Variants in PDLIM5 observed in about 807,000 individuals in gnomAD.
The protein encoded by PDLIM5 is PDZ and LIM domain 5.
PDLIM5 carries 34 observed loss-of-function variants against 64.2 expected under a neutral mutation model. The ratio of observed to expected loss-of-function variants is 0.53; its 90% CI spans 0.40 to 0.71. The LOEUF (loss-of-function observed/expected upper bound fraction) is 0.71. Among genes scored for constraint, PDLIM5 ranks in the 30% least tolerant of loss-of-function variants. The probability of loss-of-function intolerance (pLI) is 0.00; values close to 1 mark genes in which losing one functional copy is unlikely to be tolerated. For missense variants in PDLIM5, 683 were observed against 733.6 expected (o/e 0.93, Z 0.80); for synonymous variants, 253 against 269.1 (o/e 0.94, Z 0.59).
Position 94,668,156 on chromosome 4 carries a change from A to T in PDLIM5, c.*4089A>T, listed in dbSNP as rs2110518520. ...TCTAATTAGAAGTCACATGATAAATATAATCAGTATAGTAATAATACCATA... is the reference window on the plus strand; with the variant it reads ...TCTAATTAGAAGTCACATGATAAATTTAATCAGTATAGTAATAATACCATA... On this transcript the variant is annotated 3_prime_UTR_variant, in exon 13 of 13. Coordinates refer to ENST00000317968, the MANE Select transcript of PDLIM5 (RefSeq NM_006457.5). 1 of 152,318 alleles carries T rather than the reference A, an allele frequency of 6.6e-6. No homozygotes were observed. Among genetic ancestry groups the T allele is most frequent in the African/African-American group, 2.4e-5 (1 of 41,572 alleles). The allele number at this position is 152,318 out of a possible 1,614,324, so 9.4% of individuals were successfully genotyped here. A position where few individuals can be genotyped will look rare whatever the true frequency, so the allele number is the denominator to read the frequency against.
At chr4:94,524,611 A>T (rs1226584381) in intron 3 of PDLIM5, among the ~76,000 whole-genome samples, 2 of 151,222 alleles carry the variant, frequency 1.3e-5, no homozygotes, top group Non-Finnish European at 2.9e-5. Context: ...TTTTGAACTT[A>T]TTGCTTTCTA....
At chr4:94,513,990 T>C (rs570364779) in intron 2 of PDLIM5, among the ~76,000 whole-genome samples, 22 of 152,336 alleles carry the variant, frequency 1.4e-4, no homozygotes, top group African/African-American at 5.1e-4. Context: ...CATATGGTTT[T>C]TGTCCTTCAT....
intron 2 of PDLIM5, among the ~76,000 whole-genome samples, chr4:94,518,571 T>G (rs1372498664): frequency 1.3e-5 from 2 of 152,200 alleles, no homozygotes; most frequent in Non-Finnish European, 2.9e-5. Flanking sequence ...TTGAGAACAA[T>G]AAATTAATGA....
intron 8 of PDLIM5, among the ~76,000 whole-genome samples, chr4:94,632,973 AG>A (rs1277827287): frequency 4.8e-4 from 73 of 152,230 alleles, no homozygotes; most frequent in Non-Finnish European, 6.9e-4. Flanking sequence ...GTAAGTTATT[AG>A]TAATTTGTTA....
chr4:94,657,834 A>G (rs1399403843), intron 11 of PDLIM5, among the ~76,000 whole-genome samples: 4 of 151,872 alleles, frequency 2.6e-5, no homozygotes, highest in Non-Finnish European at 4.4e-5. Flanking sequence ...AGCCTCCCGA[A>G]TAGCTGGGAA....
chr4:94,617,957 T>TA (rs766807994), intron 7 of PDLIM5, 47 bp from the exon 8 acceptor site: 1 of 1,006,486 alleles, frequency 9.9e-7, no homozygotes, highest in Non-Finnish European at 1.4e-6. Context: ...ATTGCTGAGT[T>TA]ACGTTGCTAC....
At chr4:94,601,266 T>C (rs73834207) in intron 7 of PDLIM5, among the ~76,000 whole-genome samples, 1,742 of 152,246 alleles carry the variant, frequency 0.011, 40 homozygotes, top group African/African-American at 0.039. Context: ...TGTATCCTCA[T>C]ATGGTAGGAG....
chr4:94,609,590 CCTT>C (rs1412081715), intron 7 of PDLIM5, among the ~76,000 whole-genome samples: 1 of 152,100 alleles, frequency 6.6e-6, no homozygotes, highest in Non-Finnish European at 1.5e-5. Flanking sequence ...TACTTTCCCT[CCTT>C]ACATAGCTTT....
At chr4:94,641,189 A>G (rs1740977145) in intron 9 of PDLIM5, among the ~76,000 whole-genome samples, 2 of 152,256 alleles carry the variant, frequency 1.3e-5, no homozygotes, top group African/African-American at 4.8e-5. Flanking sequence ...GTTGGCAATA[A>G]CAAATGGTCC....
intron 8 of PDLIM5, among the ~76,000 whole-genome samples, chr4:94,638,487 T>C (rs547273870): frequency 2.1e-4 from 32 of 152,356 alleles, no homozygotes; most frequent in South Asian, 4.1e-4. Context: ...TCTGGATCTG[T>C]AATTGCACAT....
At chr4:94,480,152 A>G (rs1417947376) in intron 2 of PDLIM5, among the ~76,000 whole-genome samples, 1 of 152,240 alleles carries the variant, frequency 6.6e-6, no homozygotes, top group East Asian at 1.9e-4. Flanking sequence ...TAGAGAATAT[A>G]CATAAGATGG....
At chr4:94,556,029 A>G (rs551920603) in intron 3 of PDLIM5, among the ~76,000 whole-genome samples, 1 of 151,736 alleles carries the variant, frequency 6.6e-6, no homozygotes, top group Admixed American at 6.6e-5. Flanking sequence ...TACATTAGGT[A>G]TATCTCCTAA....
intron 3 of PDLIM5, among the ~76,000 whole-genome samples, chr4:94,571,134 C>G (rs1578397541): frequency 6.6e-6 from 1 of 152,276 alleles, no homozygotes; most frequent in African/African-American, 2.4e-5. Flanking sequence ...TCATTTGCAT[C>G]TAATTCTTGA....
intron 2 of PDLIM5, among the ~76,000 whole-genome samples, chr4:94,477,002 A>G (rs574472036): frequency 3.3e-5 from 5 of 152,352 alleles, no homozygotes; most frequent in South Asian, 2.1e-4. Flanking sequence ...TATGGATTCT[A>G]TGATCGTTAA....
At chr4:94,552,830 A>C (rs945560779) in intron 3 of PDLIM5, among the ~76,000 whole-genome samples, 1 of 152,172 alleles carries the variant, frequency 6.6e-6, no homozygotes, top group Admixed American at 6.5e-5. Flanking sequence ...GGTAGCAGAA[A>C]AAAATGCACA....
At chr4:94,507,455 C>T (rs1179582721) in intron 2 of PDLIM5, among the ~76,000 whole-genome samples, 1 of 152,088 alleles carries the variant, frequency 6.6e-6, no homozygotes, top group Non-Finnish European at 1.5e-5. Flanking sequence ...TTATGATTCA[C>T]CTTGAGGCAA....
chr4:94,628,914 TG>T (rs1440216444), intron 8 of PDLIM5, among the ~76,000 whole-genome samples: 6 of 152,234 alleles, frequency 3.9e-5, no homozygotes, highest in Admixed American at 6.5e-5. Context: ...AGTTTTGTTT[TG>T]TTTTTTTAAT....
At chr4:94,659,824 G>C (rs1742534398) in intron 11 of PDLIM5, among the ~76,000 whole-genome samples, 1 of 151,190 alleles carries the variant, frequency 6.6e-6, no homozygotes, top group South Asian at 2.1e-4. Flanking sequence ...CACCACGCCT[G>C]ACCAGTAATA....
At chr4:94,616,774 A>G (rs76982394) in intron 7 of PDLIM5, among the ~76,000 whole-genome samples, 1 of 152,370 alleles carries the variant, frequency 6.6e-6, no homozygotes, top group African/African-American at 2.4e-5. Flanking sequence ...CATTTGAGAG[A>G]ACAAGAATAG....
Sources: allele counts gnomAD v4.1 joint callset (sites outside exome capture counted in the v4.1 genomes callset), GRCh38; gene constraint gnomAD v4.1.1; transcripts MANE v1.5; gene names NCBI Gene and HGNC (gene_info 2026-07-23, HGNC 2026-07-21).